Variants in TMC8 observed in about 807,000 individuals in gnomAD.
The protein encoded by TMC8 is transmembrane channel like 8.
Under a neutral mutation model 76.0 loss-of-function variants are expected in TMC8, and 71 were observed. The ratio of observed to expected loss-of-function variants is 0.93; its 90% CI spans 0.77 to 1.14. The LOEUF is 1.14. TMC8 is among the 50% of genes most tolerant of loss of function. The pLI, the probability that TMC8 is intolerant of heterozygous loss-of-function variation, is 0.00. For synonymous variants in TMC8, 433 were observed against 433.8 expected (o/e 1.00, Z 0.02); for missense variants, 924 against 947.9 (o/e 0.97, Z 0.33).
rs1258515002 is a variant in TMC8, at chr17:78,132,157, C to G, written c.298+127C>G. On this transcript the variant is annotated intron_variant, in intron 3 of 15. Transcript: ENST00000318430. ...TCCCCCGACCAATCGGCCCCTCCCC[C>G]CTCCCACCCCTTCCGCCCGCAGGCA... 17 of 1,449,970 alleles carry G rather than the reference C, an allele frequency of 1.2e-5. 1 individual carries two copies. In the East Asian group the frequency reaches 1.5e-4, roughly 13 times the overall value. 89.8% of individuals were successfully genotyped at this position (1,449,970 alleles called of 1,614,324 possible). A position where few individuals can be genotyped will look rare whatever the true frequency, so the allele number is the denominator to read the frequency against.
In TMC8 at chr17:78,142,739, G is replaced by T. The variant is rs536226831; in HGVS notation, c.*1627G>T. 21 of 152,362 alleles carry T rather than the reference G, an allele frequency of 1.4e-4. No homozygotes were observed. Among genetic ancestry groups the T allele is most frequent in the Non-Finnish European group, 2.1e-4 (14 of 68,062 alleles). 9.4% of individuals were successfully genotyped at this position (152,362 alleles called of 1,614,324 possible). ...GTGGCCTCAGCATCACCTGGGAAAA[G>T]GTTAGAAATGAACATTCCCAGGCCC... On this transcript the variant is annotated 3_prime_UTR_variant, in exon 16 of 16. Coordinates refer to ENST00000318430, the MANE Select transcript of TMC8 (RefSeq NM_152468.5).
At chr17:78,131,061 T>G in intron 1 of TMC8, 2 of 178,560 alleles carry the variant, frequency 1.1e-5, no homozygotes, top group South Asian at 9.7e-5. Context: ...ACATCCAGAG[T>G]CAGATGTGGC....
At position 78,133,406 on chromosome 17, in the gene TMC8, G is replaced by T; in HGVS notation, c.532G>T (p.Ala178Ser). The change falls in exon 6 of 16, where the codon GCC becomes TCC. Residue 178 changes from alanine (A) to serine (S), a missense_variant and splice_region_variant. By Grantham distance (99) the Ala-to-Ser change is moderately conservative. Coordinates refer to ENST00000318430, the MANE Select transcript of TMC8 (RefSeq NM_152468.5). The part of the protein sequence containing the change: ...NQLWHVLTGR[A>S]FTNTYLFYGA... ...TGGGTATCTTCGTCGCTGTCCCCAG[G>T]CCTTCACCAACACCTATCTCTTCTA... The T allele has an allele frequency of 1.2e-6, 2 of 1,613,772 alleles. No individual in the cohort carries two copies. The highest frequency in any genetic ancestry group is 1.7e-6 in the Non-Finnish European group (2 of 1,180,024).
In TMC8 at chr17:78,132,881, T is replaced by C. The variant is rs1568015390; in HGVS notation, c.531+11T>C. On this transcript the variant is annotated intron_variant, in intron 5 of 15. Coordinates refer to ENST00000318430, the MANE Select transcript of TMC8 (RefSeq NM_152468.5). ...GTTTTGACTGGCAGGGTGAGTGAGG[T>C]CTGTCCCGGCTATGGTCCAGAGTCT... 6.2e-7 allele frequency: 1 copy of C among 1,613,898 alleles called. No homozygotes were observed. Among genetic ancestry groups the C allele is most frequent in the African/African-American group, 1.3e-5 (1 of 74,894 alleles).
In TMC8 at chr17:78,134,053, G is replaced by A. The variant is rs2075135560; in HGVS notation, c.816+53G>A. 6.2e-6 allele frequency: 10 copies of A among 1,611,136 alleles called. No individual in the cohort carries two copies. The South Asian group carries it at 7.7e-5, about 12-fold the overall frequency. The stretch of plus-strand genomic sequence containing the variant: ...CCACAAGCTCCAGGTATATGGGAGC[G>A]AGTGCGTGAGAGCCACGTGTTCCAG... On this transcript the variant is annotated intron_variant, in intron 7 of 15. Coordinates refer to ENST00000318430, the MANE Select transcript of TMC8 (RefSeq NM_152468.5).
chr17:78,137,210 C>T, intron 9 of TMC8, 25 bp from the exon 10 acceptor site: 1 of 1,613,046 alleles, frequency 6.2e-7, no homozygotes, highest in African/African-American at 1.3e-5. Context: ...TGGGCCCCTC[C>T]ACCTGACAAG....
At position 78,141,051 on chromosome 17, in the gene TMC8, G is replaced by A. The variant is rs1434316891; in HGVS notation, c.2120G>A (p.Gly707Glu). The A allele has an allele frequency of 1.9e-6, 3 of 1,602,298 alleles. No homozygotes were observed. The African/African-American group carries it at 4.0e-5, about 21-fold the overall frequency. ...DAAGLRSPCP[G>E]QHGAPASARR... ...GCGGGACTGCGTTCCCCTTGCCCTGGACAGCACGGTGCCCCGGCCTCCGCC... is the reference window on the plus strand; with the variant it reads ...GCGGGACTGCGTTCCCCTTGCCCTGAACAGCACGGTGCCCCGGCCTCCGCC... Residue 707 changes from glycine to glutamate, a missense_variant, in exon 16 of 16, where the codon GGA (glycine) becomes GAA (glutamate). Physicochemically the swap from Gly to Glu is moderately conservative, Grantham distance 98. Transcript: ENST00000318430.
In TMC8 at chr17:78,142,804, C is replaced by T. The variant is rs1036521092; in HGVS notation, c.*1692C>T. 1 of 152,224 alleles carries T rather than the reference C, an allele frequency of 6.6e-6. No homozygotes were observed. The highest frequency in any genetic ancestry group is 1.5e-5 in the Non-Finnish European group (1 of 68,064). The allele number at this position is 152,224 out of a possible 1,614,324, so 9.4% of individuals were successfully genotyped here. The stretch of plus-strand genomic sequence containing the variant: ...GAATCAGAGCATCCCTTTGGCAAAC[C>T]ATACTGAGAAACAACCACGTGCATC... On this transcript the variant is annotated 3_prime_UTR_variant, in exon 16 of 16. Coordinates refer to ENST00000318430, the MANE Select transcript of TMC8 (RefSeq NM_152468.5).
Position 78,138,617 on chromosome 17 carries a change from G to T in TMC8, c.1708G>T (p.Ala570Ser), listed in dbSNP as rs1225829294. 2.5e-6 allele frequency: 4 copies of T among 1,613,946 alleles called. No homozygotes were observed. Among genetic ancestry groups the T allele is most frequent in the Non-Finnish European group, 3.4e-6 (4 of 1,180,030 alleles). Reference sequence around the variant, plus strand: ...CTGCGGCCTCTTCACCAACTACTCAGCACCCTGGCAAGTGGTCCCGGAGCT... The same window carrying T: ...CTGCGGCCTCTTCACCAACTACTCATCACCCTGGCAAGTGGTCCCGGAGCT... ...WDCGLFTNYS[A>S]PWQVVPELVA... The change falls in exon 14 of 16, where the codon GCA becomes TCA. Residue 570 changes from alanine to serine, a missense_variant. Coordinates refer to ENST00000318430, the MANE Select transcript of TMC8 (RefSeq NM_152468.5).
Position 78,137,371 on chromosome 17 carries a change from C to T in TMC8, c.1251+13C>T. 6.2e-7 allele frequency: 1 copy of T among 1,613,754 alleles called. No individual in the cohort carries two copies. Among genetic ancestry groups the T allele is most frequent in the South Asian group, 1.1e-5 (1 of 91,072 alleles). ...TTGTGACTATCAGGTGGCTGGCAGC[C>T]CGGCGGGGCCTGTCCCTCCCTTCCT... On this transcript the variant is annotated intron_variant, in intron 10 of 15. Transcript: ENST00000318430.
At chr17:78,131,244 T>G in intron 1 of TMC8, 37 bp from the exon 2 acceptor site, 1 of 432,208 alleles carries the variant, frequency 2.3e-6, no homozygotes, top group Non-Finnish European at 4.3e-6. Flanking sequence ...CGGTCCAGAC[T>G]TTCTGTGCCC....
rs2145576595 is a variant in TMC8, at chr17:78,131,941, G to A, written c.209G>A (p.Arg70Gln). The A allele has an allele frequency of 1.3e-6, 2 of 1,508,914 alleles. No homozygotes were observed. Among genetic ancestry groups the A allele is most frequent in the East Asian group, 2.5e-5 (1 of 39,614 alleles). 93.5% of individuals were successfully genotyped at this position (1,508,914 alleles called of 1,614,324 possible). A position where few individuals can be genotyped will look rare whatever the true frequency, so the allele number is the denominator to read the frequency against. Reference sequence around the variant, plus strand: ...CGCTGGCAGCGGTGGCAGCGCCGGCGGCAGACGGTGGAAAGGCGCCTGCGG... The same window carrying A: ...CGCTGGCAGCGGTGGCAGCGCCGGCAGCAGACGGTGGAAAGGCGCCTGCGG... ...TLRWQRWQRR[R>Q]QTVERRLREA... is the part of the protein sequence containing the mutation. Residue 70 changes from arginine (R) to glutamine (Q), a missense_variant, in exon 3 of 16, where the codon CGG becomes CAG. Arg to Gln is a conservative substitution (Grantham distance 43, BLOSUM62 1). Coordinates refer to ENST00000318430, the MANE Select transcript of TMC8 (RefSeq NM_152468.5).
In TMC8 at chr17:78,131,624, C is replaced by G; in HGVS notation, c.36C>G (p.Ala12=). The change falls in exon 2 of 16, where the codon GCC becomes GCG. Residue 12 remains alanine (A), a synonymous_variant. Coordinates refer to ENST00000318430, the MANE Select transcript of TMC8 (RefSeq NM_152468.5). ...LLPRSVSSER[A]PGVPEPEELW... ...CGCGGTCGGTGTCATCGGAGCGGGC[C>G]CCTGGGGTGCCGGAGCCGGAGGAGC... is the stretch of plus-strand genomic sequence containing the variant. 1 of 1,551,956 alleles carries G rather than the reference C, an allele frequency of 6.4e-7. No individual in the cohort carries two copies. The highest frequency in any genetic ancestry group is 8.7e-7 in the Non-Finnish European group (1 of 1,149,078).
Position 78,141,106 on chromosome 17 carries a change from G to T in TMC8, c.2175G>T (p.Glu725Asp). The T allele has an allele frequency of 6.4e-7, 1 of 1,567,382 alleles. No individual in the cohort carries two copies. Among genetic ancestry groups the T allele is most frequent in the Middle Eastern group, 2.2e-4 (1 of 4,500 alleles). The change falls in exon 16 of 16, where the codon GAG becomes GAT. Residue 725 changes from glutamate (E) to aspartate (D), a missense_variant. Physicochemically the swap from Glu to Asp is conservative, Grantham distance 45 (BLOSUM62 2). Transcript: ENST00000318430. ...GATTCCGCTTCCCCAGCGGCGCGGAGCTGTAACCCCTACCCCTGCCTCCCC... is the reference window on the plus strand; with the variant it reads ...GATTCCGCTTCCCCAGCGGCGCGGATCTGTAACCCCTACCCCTGCCTCCCC... ...ARRFRFPSGA[E>D]L
chr17:78,132,585 G>T, intron 4 of TMC8, 77 bp downstream of exon 4: 2 of 1,551,588 alleles, frequency 1.3e-6, no homozygotes, highest in Non-Finnish European at 1.7e-6. Context: ...GGCCCAGAGC[G>T]TGGCGACAAC....
rs753691901 is a variant in TMC8 at position 78,131,694 on chromosome 17, G to A, written c.106G>A (p.Val36Met). 96 of 1,579,540 alleles carry A rather than the reference G, an allele frequency of 6.1e-5. No homozygotes were observed. The Middle Eastern group carries it at 6.7e-4, about 11-fold the overall frequency. ...MERLRGSGTPVRGLPYAMMDK... is the reference protein window; with the variant it reads ...MERLRGSGTPMRGLPYAMMDK... ...GCGGCTGCGCGGCTCTGGGACGCCC[G>A]TGCGCGGGCTGCCCTATGCCATGAT... The change falls in exon 2 of 16, where the codon GTG becomes ATG. Residue 36 changes from valine (V) to methionine (M), a missense_variant. Physicochemically the swap from Val to Met is conservative, Grantham distance 21 (BLOSUM62 1). Coordinates refer to ENST00000318430, the MANE Select transcript of TMC8 (RefSeq NM_152468.5).
Position 78,142,030 on chromosome 17 carries a change from A to C in TMC8, c.*918A>C, listed in dbSNP as rs567203055. On this transcript the variant is annotated 3_prime_UTR_variant, in exon 16 of 16. Transcript: ENST00000318430. ...GGGCGGGGGCCCAGGCAGGTGAGGC[A>C]GCTGGCCACAAGGGCAGGGCCCGGC... 1 of 152,646 alleles carries C rather than the reference A, an allele frequency of 6.6e-6. No individual in the cohort carries two copies. Among genetic ancestry groups the C allele is most frequent in the East Asian group, 1.9e-4 (1 of 5,196 alleles). 9.5% of individuals were successfully genotyped at this position (152,646 alleles called of 1,614,324 possible).
At position 78,133,950 on chromosome 17, in the gene TMC8, G is replaced by A; in HGVS notation, c.766G>A (p.Val256Met). The A allele has an allele frequency of 1.9e-6, 3 of 1,613,714 alleles. No homozygotes were observed. The highest frequency in any genetic ancestry group is 2.5e-6 in the Non-Finnish European group (3 of 1,180,046). ...CTCCTCATGGGACTTCTGCATCCGG[G>A]TGCAGGAAGCAGCCACCATCAAGAA... Reference protein sequence around the residue: ...VFSSWDFCIRVQEAATIKKHE... With the variant: ...VFSSWDFCIRMQEAATIKKHE... Residue 256 changes from valine (V) to methionine (M), a missense_variant, in exon 7 of 16, where the codon GTG (valine) becomes ATG (methionine). Physicochemically the swap from Val to Met is conservative, Grantham distance 21 (BLOSUM62 1). Coordinates refer to ENST00000318430, the MANE Select transcript of TMC8 (RefSeq NM_152468.5).
chr17:78,134,205 G>A (rs2075147054), intron 7 of TMC8, among the ~76,000 whole-genome samples, 189 bp from the exon 8 acceptor site: 1 of 152,250 alleles, frequency 6.6e-6, no homozygotes, highest in Admixed American at 6.5e-5. Flanking sequence ...ACATGTGACT[G>A]AATGGGTGAT....
Sources: gnomAD v4.1 joint callset for allele counts (sites outside exome capture counted in the v4.1 genomes callset) on GRCh38, gnomAD v4.1.1 for gene constraint, MANE v1.5 for transcripts, NCBI Gene and HGNC (gene_info 2026-07-23, HGNC 2026-07-21) for gene names.